Variants in CNTN5 observed in about 807,000 individuals in gnomAD.
CNTN5 encodes the protein contactin-5.
In CNTN5, 77 loss-of-function variants were observed where a neutral mutation model predicts 129.1. The ratio of observed to expected loss-of-function variants is 0.60; its 90% confidence interval spans 0.50 to 0.72. CNTN5 has a LOEUF of 0.72. Among genes scored for constraint, CNTN5 ranks in the 30% least tolerant of loss-of-function variants. The probability of loss-of-function intolerance (pLI) is 0.00; values close to 1 mark genes in which losing one functional copy is unlikely to be tolerated. For missense variants in CNTN5, 1,478 were observed against 1,328.8 expected, an observed-to-expected ratio of 1.11 and a Z score of -1.75; for synonymous variants, 509 against 465.6, an observed-to-expected ratio of 1.09 and a Z score of -1.20.
chr11:99,155,449 T>C (rs1007137072), intron 1 of CNTN5, among the ~76,000 whole-genome samples: 1 of 152,192 alleles, frequency 6.6e-6, no homozygotes, highest in African/African-American at 2.4e-5. Context: ...GTATGTGAAC[T>C]AACAGATGTG....
chr11:99,413,918 T>G lies in CNTN5; in HGVS notation c.-71+88434T>G, dbSNP rs184735037. 2.4e-3 allele frequency among the ~76,000 whole-genome samples: 360 copies of G among 152,322 alleles called. 5 individuals are homozygous for G. Among genetic ancestry groups the G allele is most frequent in the African/African-American group, 8.5e-3 (352 of 41,578 alleles). ...GAATAAATTGATTTTTGCTTATGCA[T>G]AAATTAAATGTCAACACATCTTTCA... On this transcript the variant is annotated intron_variant, in intron 2 of 24. Coordinates refer to ENST00000524871, the MANE Select transcript of CNTN5 (RefSeq NM_014361.4).
chr11:100,111,211 C>T (rs963768469), intron 13 of CNTN5, among the ~76,000 whole-genome samples: 2 of 152,064 alleles, frequency 1.3e-5, no homozygotes, highest in African/African-American at 4.8e-5. Flanking sequence ...AACCTTTTTC[C>T]ACTTAACTGA....
intron 6 of CNTN5, among the ~76,000 whole-genome samples, chr11:99,889,294 GTGTGTGTGTGTGT>G (rs1565642534): frequency 4.1e-4 from 2 of 4,826 alleles, no homozygotes; most frequent in Admixed American, 1.8e-3. Context: ...CAGAGCAGGT[GTGTGTGTGTGTGT>G]GTGTGTGTGT....
intron 3 of CNTN5, among the ~76,000 whole-genome samples, chr11:99,731,113 TTTC>T (rs1458206617): frequency 1.3e-5 from 2 of 151,348 alleles, no homozygotes; most frequent in Admixed American, 1.3e-4. Flanking sequence ...GCATTTTTTT[TTTC>T]TTTTTTTTTT....
At chr11:99,896,272 A>C (rs1263158686) in intron 6 of CNTN5, among the ~76,000 whole-genome samples, 1 of 152,044 alleles carries the variant, frequency 6.6e-6, no homozygotes, top group Admixed American at 6.6e-5. Flanking sequence ...TCGGCCCATA[A>C]CACACTTACT....
At chr11:99,378,398 C>T (rs1188369453) in intron 2 of CNTN5, among the ~76,000 whole-genome samples, 1 of 152,054 alleles carries the variant, frequency 6.6e-6, no homozygotes, top group Non-Finnish European at 1.5e-5. Context: ...TCAAACTCTG[C>T]ATTAGGCTAT....
At chr11:99,084,185 GT>G (rs1282221743) in intron 1 of CNTN5, among the ~76,000 whole-genome samples, 2 of 152,096 alleles carry the variant, frequency 1.3e-5, no homozygotes, top group African/African-American at 4.8e-5. Context: ...ATACAATACT[GT>G]GCTCTCTTGT....
chr11:99,119,642 G>T (rs902574909), intron 1 of CNTN5, among the ~76,000 whole-genome samples: 4 of 151,876 alleles, frequency 2.6e-5, no homozygotes, highest in Admixed American at 6.6e-5. Flanking sequence ...TATTCATTTC[G>T]GTATAAACGC....
intron 2 of CNTN5, among the ~76,000 whole-genome samples, chr11:99,444,816 T>C (rs1438376812): frequency 6.6e-6 from 1 of 151,902 alleles, no homozygotes; most frequent in Admixed American, 6.6e-5. Context: ...TATGTACACA[T>C]AGTCAAATCT....
intron 15 of CNTN5, among the ~76,000 whole-genome samples, chr11:100,207,694 G>A (rs1472717967): frequency 1.3e-5 from 2 of 152,030 alleles, no homozygotes; most frequent in Admixed American, 1.3e-4. Context: ...TTTATCATTT[G>A]CAAGAAAAGT....
At chr11:99,212,533 G>A (rs538702924) in intron 1 of CNTN5, among the ~76,000 whole-genome samples, 3 of 151,900 alleles carry the variant, frequency 2.0e-5, no homozygotes, top group Non-Finnish European at 4.4e-5. Flanking sequence ...ACTTCTTTTA[G>A]CTTCCTGCCC....
intron 9 of CNTN5, among the ~76,000 whole-genome samples, chr11:100,003,264 A>G (rs1247410007): frequency 6.6e-6 from 1 of 152,164 alleles, no homozygotes; most frequent in Non-Finnish European, 1.5e-5. Flanking sequence ...TAAATTTCAA[A>G]ATGTAAAATG....
At chr11:99,936,659 G>C (rs987914334) in intron 7 of CNTN5, among the ~76,000 whole-genome samples, 1 of 152,096 alleles carries the variant, frequency 6.6e-6, no homozygotes, top group African/African-American at 2.4e-5. Context: ...GGGCATATGG[G>C]GAGTAATAGT....
At chr11:99,846,615 A>G (rs560286928) in intron 6 of CNTN5, among the ~76,000 whole-genome samples, 5 of 152,196 alleles carry the variant, frequency 3.3e-5, no homozygotes, top group South Asian at 4.1e-4. Context: ...TAGTGGCTAC[A>G]TAAGAGATCA....
intron 1 of CNTN5, among the ~76,000 whole-genome samples, chr11:99,036,081 G>C (rs1863713793): frequency 6.6e-6 from 1 of 152,030 alleles, no homozygotes; most frequent in Admixed American, 6.6e-5. Flanking sequence ...TTTTCTTTGA[G>C]AATGTTGAAT....
At chr11:99,121,376 G>T (rs955199439) in intron 1 of CNTN5, among the ~76,000 whole-genome samples, 5 of 151,974 alleles carry the variant, frequency 3.3e-5, no homozygotes, top group African/African-American at 1.2e-4. Context: ...AAGGGGACCT[G>T]CCCACCTCAG....
At position 99,758,227 on chromosome 11, in the gene CNTN5, C is replaced by CT. The variant is rs1449087943; in HGVS notation, c.56-61310dup. ...TGGTTCATACCACTTCAAACCCTCC[C>CT]TTTTTTTGCTCCTTGTAAGTTTCTT... On this transcript the variant is annotated intron_variant, in intron 3 of 24. Transcript: ENST00000524871. 8.6e-5 allele frequency among the ~76,000 whole-genome samples: 13 copies of CT among 152,046 alleles called. 1 individual carries two copies. The East Asian group carries it at 2.5e-3, about 29-fold the overall frequency.
intron 2 of CNTN5, among the ~76,000 whole-genome samples, chr11:99,358,951 T>C (rs1938911330): frequency 6.6e-6 from 1 of 152,224 alleles, no homozygotes; most frequent in African/African-American, 2.4e-5. Flanking sequence ...TGTTTATTCA[T>C]TTAAAAAGTA....
At position 99,915,791 on chromosome 11, in the gene CNTN5, A is replaced by G. The variant is rs554449132; in HGVS notation, c.578-263A>G. Among the ~76,000 whole-genome samples, 7 of 152,170 alleles carry G rather than the reference A, an allele frequency of 4.6e-5. No individual in the cohort carries two copies. The South Asian group carries it at 1.0e-3, about 23-fold the overall frequency. ...TGACTCTTTGTGTTAAAAATGCTAT[A>G]CTCCCTAGCATCTATACTGGCAACT... On this transcript the variant is annotated intron_variant, in intron 6 of 24. Transcript: ENST00000524871.
Sources: gnomAD v4.1 joint callset for allele counts (sites outside exome capture counted in the v4.1 genomes callset) on GRCh38, gnomAD v4.1.1 for gene constraint, MANE v1.5 for transcripts, NCBI Gene and HGNC (gene_info 2026-07-23, HGNC 2026-07-21) for gene names.